Variants in CSMD3 observed in about 807,000 individuals in gnomAD.
The protein encoded by CSMD3 is CUB and sushi domain-containing protein 3.
Under a neutral mutation model 435.2 loss-of-function variants are expected in CSMD3, and 177 were observed. The observed-to-expected ratio is 0.41, with a 90% CI of 0.36 to 0.46. The LOEUF is 0.46. CSMD3 is among the 20% of genes least tolerant of loss of function. CSMD3 has a pLI of 0.34. For missense variants in CSMD3, 4,265 were observed against 4,504.6 expected (o/e 0.95, Z 1.52); for synonymous variants, 1,656 against 1,520.5 (o/e 1.09, Z -2.07).
intron 3 of CSMD3, among the ~76,000 whole-genome samples, chr8:113,264,321 C>G (rs909265787): frequency 1.3e-5 from 2 of 151,280 alleles, no homozygotes; most frequent in Non-Finnish European, 3.0e-5. Context: ...GAAATAATCA[C>G]TCTATCAAAC....
At chr8:112,535,148 A>G (rs918859901) in intron 27 of CSMD3, among the ~76,000 whole-genome samples, 1 of 151,890 alleles carries the variant, frequency 6.6e-6, no homozygotes, top group Non-Finnish European at 1.5e-5. Context: ...CCTATTCAAC[A>G]TAGTGTTGGA....
intron 27 of CSMD3, among the ~76,000 whole-genome samples, chr8:112,550,298 T>G (rs1034415373): frequency 6.6e-6 from 1 of 151,970 alleles, no homozygotes; most frequent in Non-Finnish European, 1.5e-5. Context: ...GTATTTTTTG[T>G]AATAGCAAGT....
chr8:113,148,354 T>C (rs996888248), intron 4 of CSMD3, among the ~76,000 whole-genome samples: 1 of 151,798 alleles, frequency 6.6e-6, no homozygotes, highest in East Asian at 1.9e-4. Flanking sequence ...CTGAAAGTCA[T>C]TTCCTTCAGT....
chr8:112,465,512 T>C (rs761525496), intron 32 of CSMD3, among the ~76,000 whole-genome samples: 21 of 152,190 alleles, frequency 1.4e-4, no homozygotes, highest in Non-Finnish European at 2.6e-4. Context: ...GCTTGAGATC[T>C]AATTATATAA....
chr8:112,415,467 A>G lies in CSMD3; in HGVS notation c.5396-6435T>C, dbSNP rs186285299. Among the ~76,000 whole-genome samples, 24 of 152,288 alleles carry G rather than the reference A, an allele frequency of 1.6e-4. 1 individual carries two copies. The highest frequency in any genetic ancestry group is 2.6e-4 in the Non-Finnish European group (18 of 68,016). On this transcript the variant is annotated intron_variant, in intron 32 of 70. Coordinates refer to ENST00000297405, the MANE Select transcript of CSMD3 (RefSeq NM_198123.2). ...CAGGCAGAAGTTTGCTGCAGGGTGG[A>G]GCCATCATGAAGAACTTCTGCTAGG...
chr8:112,258,835 C>T (rs532608039), intron 61 of CSMD3, among the ~76,000 whole-genome samples: 35 of 152,070 alleles, frequency 2.3e-4, no homozygotes, highest in Non-Finnish European at 4.9e-4. Context: ...GTCAGGAGAT[C>T]GAGACCATCC....
At chr8:112,376,244 A>G (rs73700683) in intron 38 of CSMD3, among the ~76,000 whole-genome samples, 4,122 of 152,264 alleles carry the variant, frequency 0.027, 172 homozygotes, top group African/African-American at 0.094. Context: ...TTCAAAGAAA[A>G]ATACTGTGAC....
At chr8:113,304,919 A>C (rs1207826017) in intron 2 of CSMD3, among the ~76,000 whole-genome samples, 8 of 147,650 alleles carry the variant, frequency 5.4e-5, no homozygotes, top group Non-Finnish European at 1.2e-4. Flanking sequence ...TATAATAAAA[A>C]AAAAAAAAAA....
chr8:113,353,607 T>C (rs2132929925), intron 1 of CSMD3, among the ~76,000 whole-genome samples: 1 of 152,350 alleles, frequency 6.6e-6, no homozygotes, highest in African/African-American at 2.4e-5. Flanking sequence ...AGTGAATTTA[T>C]TCAAAACTAT....
rs561929935 is a variant in CSMD3, at chr8:112,667,531, A to AT, written c.2678-1117dup. Among the ~76,000 whole-genome samples, 450 of 151,504 alleles carry AT rather than the reference A, an allele frequency of 3.0e-3. 1 individual carries two copies. Among genetic ancestry groups the AT allele is most frequent in the African/African-American group, 8.8e-3 (365 of 41,292 alleles). On this transcript the variant is annotated intron_variant, in intron 16 of 70. Coordinates refer to ENST00000297405, the MANE Select transcript of CSMD3 (RefSeq NM_198123.2). ...TATTCTCCATGCTACGGATACAGTG[A>AT]TTTTTTTTTCTTTTTAATTCACAAA... is the stretch of plus-strand genomic sequence containing the variant.
intron 38 of CSMD3, among the ~76,000 whole-genome samples, chr8:112,365,676 C>T (rs767546523): frequency 1.3e-5 from 2 of 151,940 alleles, no homozygotes; most frequent in Admixed American, 6.6e-5. Flanking sequence ...TGGTGAAATT[C>T]ATTGATGCTT....
At chr8:112,578,558 T>G (rs1430769533) in intron 23 of CSMD3, among the ~76,000 whole-genome samples, 1 of 151,866 alleles carries the variant, frequency 6.6e-6, no homozygotes, top group East Asian at 1.9e-4. Context: ...GCTGGACATA[T>G]AAGATCACCG....
Position 113,062,834 on chromosome 8 carries a change from C to T in CSMD3, c.917+35922G>A, listed in dbSNP as rs138895805. Among the ~76,000 whole-genome samples, 1,289 of 151,650 alleles carry T rather than the reference C, an allele frequency of 8.5e-3. 20 individuals carry two copies. The highest frequency in any genetic ancestry group is 0.029 in the African/African-American group (1,208 of 41,472). On this transcript the variant is annotated intron_variant, in intron 5 of 70. Transcript: ENST00000297405. Reference sequence around the variant, plus strand: ...TAGTATGTATGGTATAACCTATGGTCTGGAAATTTGTTTTGCAAAGCTATA... The same window carrying T: ...TAGTATGTATGGTATAACCTATGGTTTGGAAATTTGTTTTGCAAAGCTATA...
At chr8:112,524,793 A>C in intron 27 of CSMD3, among the ~76,000 whole-genome samples, 1 of 152,026 alleles carries the variant, frequency 6.6e-6, no homozygotes, top group East Asian at 1.9e-4. Flanking sequence ...CTAAAAAATT[A>C]AAATGACATC....
chr8:112,443,733 G>T (rs1038596921), intron 32 of CSMD3, among the ~76,000 whole-genome samples: 3 of 152,042 alleles, frequency 2.0e-5, no homozygotes, highest in Non-Finnish European at 2.9e-5. Flanking sequence ...GCTTCATTAA[G>T]GACAGGTAAT....
intron 4 of CSMD3, among the ~76,000 whole-genome samples, chr8:113,149,118 A>G (rs568662112): frequency 6.6e-6 from 1 of 151,824 alleles, no homozygotes; most frequent in East Asian, 1.9e-4. Flanking sequence ...ATTGAATGAC[A>G]AAATTTAGGA....
At chr8:113,182,591 C>T (rs553628704) in intron 3 of CSMD3, among the ~76,000 whole-genome samples, 4 of 151,990 alleles carry the variant, frequency 2.6e-5, no homozygotes, top group Non-Finnish European at 4.4e-5. Flanking sequence ...CAACGAATTG[C>T]TTAAATAAGA....
intron 3 of CSMD3, among the ~76,000 whole-genome samples, chr8:113,215,766 T>C (rs1394965341): frequency 6.6e-6 from 1 of 151,878 alleles, no homozygotes; most frequent in East Asian, 1.9e-4. Flanking sequence ...GGCTTCAGTA[T>C]ATATTAAACT....
intron 38 of CSMD3, among the ~76,000 whole-genome samples, chr8:112,353,745 A>G (rs1826348063): frequency 6.6e-6 from 1 of 152,172 alleles, no homozygotes; most frequent in Admixed American, 6.5e-5. Flanking sequence ...GCCCCAGACC[A>G]GATGGATTTA....
Sources: allele counts gnomAD v4.1 joint callset (sites outside exome capture counted in the v4.1 genomes callset), GRCh38; gene constraint gnomAD v4.1.1; transcripts MANE v1.5; gene names NCBI Gene and HGNC (gene_info 2026-07-23, HGNC 2026-07-21).